Variants in SBF2 observed in about 807,000 individuals in gnomAD.
The protein encoded by SBF2 is SET binding factor 2, also known as myotubularin-related protein 13.
In SBF2, 112 loss-of-function variants were observed where a neutral mutation model predicts 225.2. The observed-to-expected ratio is 0.50, with a 90% CI of 0.43 to 0.58. The LOEUF (loss-of-function observed/expected upper bound fraction) is 0.58, where lower values mean the gene tolerates loss of function less well. SBF2 is among the 20% of genes least tolerant of loss of function. The probability of loss-of-function intolerance (pLI) is 0.00; values close to 1 mark genes in which losing one functional copy is unlikely to be tolerated. For missense variants in SBF2, 1,996 were observed against 2,206.2 expected, an observed-to-expected ratio of 0.90 and a Z score of 1.91; for synonymous variants, 763 against 773.3, an observed-to-expected ratio of 0.99 and a Z score of 0.22.
intron 32 of SBF2, among the ~76,000 whole-genome samples, chr11:9,801,838 T>G (rs576496783): frequency 6.6e-6 from 1 of 152,338 alleles, no homozygotes; most frequent in African/African-American, 2.4e-5. Flanking sequence ...TGGATAAATT[T>G]TAGAATAACC....
At chr11:9,847,930 A>C (rs1394690764) in intron 22 of SBF2, among the ~76,000 whole-genome samples, 1 of 152,146 alleles carries the variant, frequency 6.6e-6, no homozygotes, top group Admixed American at 6.6e-5. Flanking sequence ...TGCTAGCTGG[A>C]TAGAAAATGA....
intron 32 of SBF2, among the ~76,000 whole-genome samples, chr11:9,803,849 T>C (rs1853631912): frequency 6.6e-6 from 1 of 151,912 alleles, no homozygotes; most frequent in African/African-American, 2.4e-5. Context: ...TTTTGAAAGA[T>C]GGAAAATAGA....
At chr11:10,196,781 G>C (rs1591190988) in intron 1 of SBF2, among the ~76,000 whole-genome samples, 1 of 147,714 alleles carries the variant, frequency 6.8e-6, no homozygotes, top group South Asian at 2.1e-4. Context: ...CCCACACCTG[G>C]AGACAATTAT....
At chr11:10,083,317 C>T (rs1261968887) in intron 2 of SBF2, among the ~76,000 whole-genome samples, 1 of 152,118 alleles carries the variant, frequency 6.6e-6, no homozygotes, top group African/African-American at 2.4e-5. Context: ...CAAAAGCAGT[C>T]TACAGATTCA....
At chr11:9,843,335 A>C (rs1426322004) in intron 24 of SBF2, among the ~76,000 whole-genome samples, 1 of 152,262 alleles carries the variant, frequency 6.6e-6, no homozygotes, top group African/African-American at 2.4e-5. Context: ...AGCATAGAAA[A>C]ATAATATAAT....
In SBF2 at chr11:10,159,899, A is replaced by C. The variant is rs141491708; in HGVS notation, c.141+34003T>G. On this transcript the variant is annotated intron_variant, in intron 2 of 39. Coordinates refer to ENST00000256190, the MANE Select transcript of SBF2 (RefSeq NM_030962.4). ...AGCAAGACTCCGTCTCAAAAAAAAAAACCTCTGCCCCCTAAATGCTTGGGG... is the reference window on the plus strand; with the variant it reads ...AGCAAGACTCCGTCTCAAAAAAAAACACCTCTGCCCCCTAAATGCTTGGGG... Among the ~76,000 whole-genome samples, 256 of 152,004 alleles carry C rather than the reference A, an allele frequency of 1.7e-3. 1 individual carries two copies. The highest frequency in any genetic ancestry group is 6.0e-3 in the African/African-American group (250 of 41,474).
chr11:9,900,044 T>TAAAAAA (rs1347991488), intron 16 of SBF2, among the ~76,000 whole-genome samples: 2,802 of 140,420 alleles, frequency 0.02, 52 homozygotes, highest in East Asian at 0.095. Flanking sequence ...TTTTTTTTTT[T>TAAAAAA]AAAAAAAAAA....
chr11:10,192,961 C>A (rs1201961667), intron 2 of SBF2, among the ~76,000 whole-genome samples: 1 of 152,142 alleles, frequency 6.6e-6, no homozygotes, highest in Non-Finnish European at 1.5e-5. Context: ...CCTCAGTTTA[C>A]CACCATGGAT....
At chr11:10,135,260 G>A (rs977639797) in intron 2 of SBF2, among the ~76,000 whole-genome samples, 3 of 151,986 alleles carry the variant, frequency 2.0e-5, no homozygotes, top group African/African-American at 7.2e-5. Context: ...GGGACCCTGG[G>A]CCTGGCCCAG....
At chr11:10,065,153 G>A (rs1950583520) in intron 2 of SBF2, among the ~76,000 whole-genome samples, 1 of 151,964 alleles carries the variant, frequency 6.6e-6, no homozygotes, top group African/African-American at 2.4e-5. Flanking sequence ...AAAACTAAAT[G>A]CATACCTAAA....
At chr11:10,017,935 G>C (rs1948712011) in intron 6 of SBF2, among the ~76,000 whole-genome samples, 1 of 152,122 alleles carries the variant, frequency 6.6e-6, no homozygotes, top group African/African-American at 2.4e-5. Flanking sequence ...AATAACATCA[G>C]ATTTTTCCAA....
Position 10,223,819 on chromosome 11 carries a change from T to C in SBF2, c.56-29832A>G, listed in dbSNP as rs1398189852. ...GAGAGATAAACTGTTCACTTGGAGA[T>C]GACTGGCATCATATGGTATTTTAAG... On this transcript the variant is annotated intron_variant, in intron 1 of 39. Transcript: ENST00000256190. Among the ~76,000 whole-genome samples, 9 of 152,222 alleles carry C rather than the reference T, an allele frequency of 5.9e-5. No individual in the cohort carries two copies. The South Asian group carries it at 1.7e-3, about 28-fold the overall frequency.
chr11:10,211,009 T>C (rs896318442), intron 1 of SBF2, among the ~76,000 whole-genome samples: 13 of 2,756 alleles, frequency 4.7e-3, no homozygotes, highest in African/African-American at 7.3e-3. Context: ...GCAAGACTCT[T>C]GACTCAAAAA....
At position 9,829,388 on chromosome 11, in the gene SBF2, A is replaced by G. The variant is rs762211340; in HGVS notation, c.3761T>C (p.Leu1254Pro). The change falls in exon 28 of 40, where the codon CTT (leucine) becomes CCT (proline). Residue 1254 changes from leucine to proline, a missense_variant. Transcript: ENST00000256190. ...VHQKLRGNSTLTVRPAFALSP... is the reference protein window; with the variant it reads ...VHQKLRGNSTPTVRPAFALSP... ...TAGAGCAAAGGCTGGCCTGACAGTA[A>G]GAGTGCTGTTGCCTCTGAGTTTCTG... is the stretch of plus-strand genomic sequence containing the variant. The G allele has an allele frequency of 2.4e-5, 39 of 1,614,102 alleles. No homozygotes were observed. In the South Asian group the frequency reaches 4.2e-4, roughly 17 times the overall value.
At chr11:10,252,965 G>C (rs1960514236) in intron 1 of SBF2, among the ~76,000 whole-genome samples, 1 of 152,004 alleles carries the variant, frequency 6.6e-6, no homozygotes, top group Admixed American at 6.6e-5. Flanking sequence ...CTGCACTGGA[G>C]TCTCTGTGAA....
At chr11:10,084,269 G>T (rs1175225007) in intron 2 of SBF2, among the ~76,000 whole-genome samples, 1 of 151,582 alleles carries the variant, frequency 6.6e-6, no homozygotes, top group African/African-American at 2.4e-5. Context: ...GTGTGCAAAA[G>T]ACATGAACAG....
intron 1 of SBF2, among the ~76,000 whole-genome samples, chr11:10,235,395 T>G (rs1241294721): frequency 6.6e-6 from 1 of 152,074 alleles, no homozygotes; most frequent in African/African-American, 2.4e-5. Flanking sequence ...TTAGCCGTGA[T>G]GCACGCCTGC....
intron 2 of SBF2, among the ~76,000 whole-genome samples, chr11:10,143,116 G>A (rs1186287675): frequency 1.3e-5 from 2 of 151,928 alleles, no homozygotes; most frequent in African/African-American, 2.4e-5. Context: ...ATATTGATAC[G>A]GTGGGCCCCC....
At chr11:9,857,983 G>A (rs140559500) in intron 18 of SBF2, among the ~76,000 whole-genome samples, 13 of 152,008 alleles carry the variant, frequency 8.6e-5, no homozygotes, top group African/African-American at 3.1e-4. Context: ...GTCATTTCCA[G>A]GAAATTCTTA....
Sources: gnomAD v4.1 joint callset for allele counts (sites outside exome capture counted in the v4.1 genomes callset) on GRCh38, gnomAD v4.1.1 for gene constraint, MANE v1.5 for transcripts, NCBI Gene and HGNC (gene_info 2026-07-23, HGNC 2026-07-21) for gene names.